The following IGF2BP2 variants were observed in gnomAD, a reference collection of about 807,000 sequenced individuals.
IGF2BP2 encodes the protein insulin-like growth factor 2 mRNA-binding protein 2.
Under a neutral mutation model 75.8 loss-of-function variants are expected in IGF2BP2, and 17 were observed. The ratio of observed to expected loss-of-function variants is 0.22; its 90% confidence interval spans 0.15 to 0.34. The LOEUF (loss-of-function observed/expected upper bound fraction) is 0.34. IGF2BP2 is among the 10% of genes least tolerant of loss of function. The pLI is 1.00. For missense variants in IGF2BP2, 516 were observed against 772.4 expected (o/e 0.67, Z 3.93); for synonymous variants, 288 against 295.6 (o/e 0.97, Z 0.26).
chr3:185,766,663 C>A (rs1219447872), intron 2 of IGF2BP2, among the ~76,000 whole-genome samples: 5 of 152,194 alleles, frequency 3.3e-5, no homozygotes, highest in Non-Finnish European at 5.9e-5. Context: ...AGTTTGCCAA[C>A]CCCTGGTCTA....
chr3:185,813,633 G>T (rs1740206827), intron 2 of IGF2BP2, among the ~76,000 whole-genome samples: 1 of 152,182 alleles, frequency 6.6e-6, no homozygotes, highest in Admixed American at 6.5e-5. Flanking sequence ...GGGGAAAAAA[G>T]TAACCCAAAT....
chr3:185,786,939 T>C (rs542916546), intron 2 of IGF2BP2, among the ~76,000 whole-genome samples: 2 of 152,192 alleles, frequency 1.3e-5, no homozygotes, highest in Non-Finnish European at 2.9e-5. Flanking sequence ...TTGTTTTGTT[T>C]TCACAACCTT....
intron 11 of IGF2BP2, among the ~76,000 whole-genome samples, chr3:185,658,006 C>T (rs1314779322): frequency 1.3e-5 from 2 of 152,182 alleles, no homozygotes; most frequent in African/African-American, 2.4e-5. Flanking sequence ...ATTTGCTAGA[C>T]TTTGTTCAAA....
intron 2 of IGF2BP2, among the ~76,000 whole-genome samples, chr3:185,726,699 A>G (rs1357880476): frequency 6.6e-6 from 1 of 152,214 alleles, no homozygotes; most frequent in East Asian, 1.9e-4. Context: ...AGCAAGTCAA[A>G]AGCCAAGGCA....
chr3:185,647,785 C>G lies in IGF2BP2; in HGVS notation c.1594-647G>C, dbSNP rs915305911. 2.0e-5 allele frequency among the ~76,000 whole-genome samples: 3 copies of G among 152,242 alleles called. No homozygotes were observed. Among genetic ancestry groups the G allele is most frequent in the Non-Finnish European group, 4.4e-5 (3 of 68,048 alleles). ...CCGCTGCCTCACTGGGCCTGCTTCCCAACAGGACTGCACGCTTCCTGAGGG... is the reference window on the plus strand; with the variant it reads ...CCGCTGCCTCACTGGGCCTGCTTCCGAACAGGACTGCACGCTTCCTGAGGG... On this transcript the variant is annotated intron_variant, in intron 14 of 15. Coordinates refer to ENST00000382199, the MANE Select transcript of IGF2BP2 (RefSeq NM_006548.6). The surrounding 1 kb of genome is among the most constrained non-coding windows in gnomAD (Gnocchi z 4.9).
intron 2 of IGF2BP2, among the ~76,000 whole-genome samples, chr3:185,737,379 G>A (rs553233272): frequency 6.6e-6 from 1 of 152,222 alleles, no homozygotes; most frequent in African/African-American, 2.4e-5. Flanking sequence ...TATTGGACTG[G>A]GAGTCAAAAG....
chr3:185,769,069 G>A (rs886297862), intron 2 of IGF2BP2, among the ~76,000 whole-genome samples: 20 of 152,106 alleles, frequency 1.3e-4, no homozygotes, highest in East Asian at 3.9e-4. Context: ...TGGGCGGGGC[G>A]CGGTGGTCCA....
chr3:185,767,639 GA>G (rs1160376059), intron 2 of IGF2BP2, among the ~76,000 whole-genome samples: 1 of 151,862 alleles, frequency 6.6e-6, no homozygotes. Context: ...GGGAAATATT[GA>G]TCAACATACC....
At chr3:185,695,937 G>A (rs866149746) in intron 4 of IGF2BP2, among the ~76,000 whole-genome samples, 2 of 152,194 alleles carry the variant, frequency 1.3e-5, no homozygotes, top group South Asian at 2.1e-4. Context: ...ACAGGCATGC[G>A]TCACCATACC....
intron 2 of IGF2BP2, among the ~76,000 whole-genome samples, chr3:185,771,567 A>C (rs1733884416): frequency 6.6e-6 from 1 of 152,192 alleles, no homozygotes; most frequent in African/African-American, 2.4e-5. Flanking sequence ...TGATATCCAA[A>C]ACTCCTAAAA....
At chr3:185,810,594 C>T (rs753502623) in intron 2 of IGF2BP2, among the ~76,000 whole-genome samples, 4 of 151,884 alleles carry the variant, frequency 2.6e-5, no homozygotes, top group Non-Finnish European at 4.4e-5. Flanking sequence ...GCCAACATGG[C>T]GAAACCCCAT....
intron 2 of IGF2BP2, among the ~76,000 whole-genome samples, chr3:185,799,920 A>T (rs1737977668): frequency 6.6e-6 from 1 of 152,228 alleles, no homozygotes; most frequent in African/African-American, 2.4e-5. Flanking sequence ...CAGCAATCCC[A>T]TTACTGGGTA....
chr3:185,664,290 C>T (rs971829460), intron 10 of IGF2BP2, among the ~76,000 whole-genome samples: 1 of 152,220 alleles, frequency 6.6e-6, no homozygotes, highest in Non-Finnish European at 1.5e-5. Context: ...CTCACTGCTG[C>T]GCTCACCTGG....
intron 2 of IGF2BP2, among the ~76,000 whole-genome samples, chr3:185,822,518 ATT>A (rs1560526446): frequency 6.6e-6 from 1 of 152,224 alleles, no homozygotes; most frequent in African/African-American, 2.4e-5. Flanking sequence ...ATAACTATAG[ATT>A]TCACAAGGGT....
chr3:185,813,909 G>A (rs4686698), intron 2 of IGF2BP2: 7,062 of 152,416 alleles, frequency 0.046, 184 homozygotes, highest in South Asian at 0.099. Flanking sequence ...GAATGAGAGA[G>A]GAAGTGGCCG....
At chr3:185,817,410 GAAAT>G (rs1740751151) in intron 2 of IGF2BP2, among the ~76,000 whole-genome samples, 1 of 152,072 alleles carries the variant, frequency 6.6e-6, no homozygotes, top group African/African-American at 2.4e-5. Context: ...CCAAATTAAA[GAAAT>G]AATTATTGTA....
intron 2 of IGF2BP2, among the ~76,000 whole-genome samples, chr3:185,703,916 T>C (rs1723654607): frequency 1.3e-5 from 2 of 152,214 alleles, no homozygotes; most frequent in Admixed American, 1.3e-4. Context: ...GCCTTGGTTA[T>C]GCTGTGGGTC....
rs1488820997 is a variant in IGF2BP2 at position 185,645,575 on chromosome 3, C to T, written c.1756G>A (p.Glu586Lys). Residue 586 changes from glutamate to lysine, a missense_variant, in exon 16 of 16, where the codon GAG becomes AAG. By Grantham distance (56) the Glu-to-Lys change is moderately conservative. This residue lies in a region of IGF2BP2 where 129 missense variants were observed against 230.5 expected (regional missense o/e 0.56). Transcript: ENST00000382199. This position sits in a 1 kb window ranked among gnomAD's most constrained non-coding sequence, Gnocchi z 4.9. ...GCGACTCCCTGAGGGTATTTCTGCTCCTGCTGCTTCACCTGTTGTACAATT... is the reference window on the plus strand; with the variant it reads ...GCGACTCCCTGAGGGTATTTCTGCTTCTGCTGCTTCACCTGTTGTACAATT... ...REIVQQVKQQ[E>K]QKYPQGVASQ... is the part of the protein sequence containing the mutation. 29 of 1,613,916 alleles carry T rather than the reference C, an allele frequency of 1.8e-5. No individual in the cohort carries two copies. The highest frequency in any genetic ancestry group is 2.4e-5 in the Non-Finnish European group (28 of 1,179,830).
chr3:185,715,072 A>T (rs1245286959), intron 2 of IGF2BP2, among the ~76,000 whole-genome samples: 2 of 152,320 alleles, frequency 1.3e-5, no homozygotes, highest in East Asian at 3.9e-4. Context: ...GGCAAGACAG[A>T]CAGGAGGGGA....
Sources: gnomAD v4.1 joint callset for allele counts (sites outside exome capture counted in the v4.1 genomes callset) on GRCh38, gnomAD v4.1.1 for gene constraint, gnomAD v4.1.1 regional missense constraint, Gnocchi (gnomAD v3.1) non-coding constraint, MANE v1.5 for transcripts, NCBI Gene and HGNC (gene_info 2026-07-23, HGNC 2026-07-21) for gene names.